The following NEGR1 variants were observed in gnomAD, a reference collection of about 807,000 sequenced individuals.
NEGR1 encodes neuronal growth regulator 1, also known as IgLON family member 4.
NEGR1 carries 10 observed loss-of-function variants against 40.9 expected under a neutral mutation model. The ratio of observed to expected loss-of-function variants is 0.24; its 90% confidence interval spans 0.15 to 0.42. NEGR1 has a LOEUF of 0.42. Ranked by LOEUF, NEGR1 falls within the 10% of genes least tolerant of loss-of-function variation. The pLI is 1.00. For missense variants in NEGR1, 352 were observed against 438.9 expected, an observed-to-expected ratio of 0.80 and a Z score of 1.77; for synonymous variants, 185 against 166.8, an observed-to-expected ratio of 1.11 and a Z score of -0.84.
intron 1 of NEGR1, among the ~76,000 whole-genome samples, chr1:72,273,995 C>CTTTT (rs11383775): frequency 1.4e-5 from 2 of 139,550 alleles, no homozygotes; most frequent in African/African-American, 5.3e-5. Context: ...ACGTGTTGTT[C>CTTTT]TTTTTTTTTT....
intron 1 of NEGR1, among the ~76,000 whole-genome samples, chr1:72,041,014 T>C (rs1188999480): frequency 6.6e-6 from 1 of 152,052 alleles, no homozygotes; most frequent in Non-Finnish European, 1.5e-5. Context: ...AAGTAACCAA[T>C]GTCAATAGTT....
intron 1 of NEGR1, among the ~76,000 whole-genome samples, chr1:72,141,143 A>C (rs1280082588): frequency 1.3e-5 from 2 of 151,960 alleles, no homozygotes. Flanking sequence ...GCATTTTAAG[A>C]AGAGACTCAG....
intron 2 of NEGR1, among the ~76,000 whole-genome samples, chr1:71,803,201 G>C (rs11578097): frequency 0.049 from 7,415 of 152,086 alleles, 226 homozygotes; most frequent in East Asian, 0.14. Context: ...TATAGTAAGA[G>C]GCAGAGACAT....
chr1:72,014,379 T>C (rs997713862), intron 1 of NEGR1, among the ~76,000 whole-genome samples: 6 of 152,066 alleles, frequency 3.9e-5, no homozygotes, highest in Admixed American at 1.3e-4. Context: ...ATTCAACAGC[T>C]GTATTTTTAG....
At chr1:71,583,129 TA>T (rs1175198494) in intron 6 of NEGR1, among the ~76,000 whole-genome samples, 6 of 136,984 alleles carry the variant, frequency 4.4e-5, no homozygotes, top group South Asian at 2.2e-4. Context: ...TAAAAATAAA[TA>T]AATAAATAAA....
chr1:71,462,928 A>C (rs1646723352), intron 6 of NEGR1, among the ~76,000 whole-genome samples: 1 of 152,140 alleles, frequency 6.6e-6, no homozygotes, highest in Non-Finnish European at 1.5e-5. Flanking sequence ...AGGGGAAAGG[A>C]ATAGTAAGAA....
intron 5 of NEGR1, among the ~76,000 whole-genome samples, chr1:71,595,592 A>T (rs1166281731): frequency 2.6e-5 from 4 of 152,188 alleles, no homozygotes; most frequent in African/African-American, 9.7e-5. Context: ...TTCTGAAAAT[A>T]TTCATTAAAT....
intron 2 of NEGR1, among the ~76,000 whole-genome samples, chr1:71,844,247 T>C (rs770148455): frequency 3.9e-5 from 6 of 152,138 alleles, no homozygotes. Context: ...AATGCCTCAA[T>C]GGGGAAAAGA....
intron 4 of NEGR1, among the ~76,000 whole-genome samples, chr1:71,618,739 T>C (rs566072949): frequency 2.2e-4 from 34 of 152,216 alleles, no homozygotes; most frequent in African/African-American, 8.2e-4. Flanking sequence ...CACCCCACAG[T>C]CCATAGAAAA....
Position 71,799,556 on chromosome 1 carries a change from AC to A in NEGR1, c.410-23260del, listed in dbSNP as rs905051265. ...ATGATTTATAATCCTTTGGGTATAT[AC>A]CCAGTAATGGGATTGCTGGATCAAA... On this transcript the variant is annotated intron_variant, in intron 2 of 6. Transcript: ENST00000357731. 2.0e-4 allele frequency among the ~76,000 whole-genome samples: 30 copies of A among 152,174 alleles called. 1 individual carries two copies. Among genetic ancestry groups the A allele is most frequent in the Admixed American group, 2.0e-3 (30 of 15,276 alleles).
intron 2 of NEGR1, among the ~76,000 whole-genome samples, chr1:71,792,518 C>T (rs1296635986): frequency 1.3e-5 from 2 of 152,186 alleles, no homozygotes; most frequent in Non-Finnish European, 2.9e-5. Flanking sequence ...TTTTTCATTT[C>T]CAGAGATAGG....
chr1:71,730,747 CTCAA>C (rs1241836547), intron 3 of NEGR1, among the ~76,000 whole-genome samples: 3 of 151,520 alleles, frequency 2.0e-5, no homozygotes, highest in African/African-American at 7.3e-5. Flanking sequence ...AAAAGTTATT[CTCAA>C]TATTCACAAA....
At chr1:72,117,397 G>T (rs1649623498) in intron 1 of NEGR1, among the ~76,000 whole-genome samples, 1 of 151,820 alleles carries the variant, frequency 6.6e-6, no homozygotes, top group South Asian at 2.1e-4. Context: ...TCTGAACACA[G>T]CAGTGAATTG....
chr1:72,132,796 C>A (rs1161135713), intron 1 of NEGR1, among the ~76,000 whole-genome samples: 2 of 151,956 alleles, frequency 1.3e-5, no homozygotes, highest in Non-Finnish European at 2.9e-5. Flanking sequence ...AAAATGGAAT[C>A]TAAAGTGCAT....
At chr1:71,938,277 A>G (rs12133406) in intron 1 of NEGR1, among the ~76,000 whole-genome samples, 33,369 of 151,908 alleles carry the variant, frequency 0.22, 4,029 homozygotes, top group Admixed American at 0.36. Flanking sequence ...GTCTACGTAG[A>G]CTTGGCTATG....
intron 6 of NEGR1, among the ~76,000 whole-genome samples, chr1:71,536,679 A>G (rs912343815): frequency 3.3e-5 from 5 of 151,792 alleles, no homozygotes; most frequent in African/African-American, 1.2e-4. Context: ...TATTTTTAAC[A>G]GTTCTGATTC....
intron 1 of NEGR1, among the ~76,000 whole-genome samples, chr1:72,250,164 C>T (rs1185276253): frequency 2.6e-5 from 4 of 152,168 alleles, no homozygotes; most frequent in South Asian, 2.1e-4. Context: ...AGAAGAAATC[C>T]TTCTCAATAC....
intron 3 of NEGR1, among the ~76,000 whole-genome samples, chr1:71,711,241 A>G (rs1413029274): frequency 7.0e-6 from 1 of 141,972 alleles, no homozygotes; most frequent in African/African-American, 2.6e-5. Context: ...GCTACGCGGG[A>G]GGCTGAGGCA....
intron 1 of NEGR1, among the ~76,000 whole-genome samples, chr1:72,042,298 C>A (rs921160364): frequency 6.6e-6 from 1 of 151,694 alleles, no homozygotes; most frequent in Non-Finnish European, 1.5e-5. Flanking sequence ...GGATAGAAAG[C>A]CAGCCTGGGA....
Sources: gnomAD v4.1 joint callset for allele counts (sites outside exome capture counted in the v4.1 genomes callset) on GRCh38, gnomAD v4.1.1 for gene constraint, MANE v1.5 for transcripts, NCBI Gene and HGNC (gene_info 2026-07-23, HGNC 2026-07-21) for gene names.